The following COBL variants were observed in gnomAD, a reference collection of about 807,000 sequenced individuals.
The protein encoded by COBL is cordon-bleu WH2 repeat protein, also known as protein cordon-bleu.
A neutral mutation model predicts 98.8 loss-of-function variants in COBL; 51 were observed. The ratio of observed to expected loss-of-function variants is 0.52; its 90% CI spans 0.41 to 0.65. The LOEUF (loss-of-function observed/expected upper bound fraction) is 0.65, where lower values mean the gene tolerates loss of function less well. Ranked by LOEUF, COBL falls within the 30% of genes least tolerant of loss-of-function variation. The pLI is 0.00. For missense variants in COBL, 1,617 were observed against 1,617.5 expected (o/e 1.00, Z 0.01); for synonymous variants, 634 against 651.7 (o/e 0.97, Z 0.41).
In COBL at chr7:51,028,047, C is replaced by G. The variant is rs910301712; in HGVS notation, c.3049G>C (p.Asp1017His). The G allele has an allele frequency of 1.2e-6, 2 of 1,609,580 alleles. No individual in the cohort carries two copies. Among genetic ancestry groups the G allele is most frequent in the Non-Finnish European group, 1.7e-6 (2 of 1,177,922 alleles). ...TGTGGAGGGGGTGGGTCTGTACCAT[C>G]AGGTGCGCGTCTGGGCTCAGATGCT... The part of the protein sequence containing the change: ...SSASEPRRAP[D>H]GTDPPPPHTS... The change falls in exon 10 of 13, where the codon GAT (aspartate) becomes CAT (histidine). Residue 1017 changes from aspartate to histidine, a missense_variant. By Grantham distance (81) the Asp-to-His change is moderately conservative. Coordinates refer to ENST00000265136, the MANE Select transcript of COBL (RefSeq NM_015198.5).
At chr7:51,048,018 A>T (rs7383923) in intron 7 of COBL, among the ~76,000 whole-genome samples, 11,556 of 152,114 alleles carry the variant, frequency 0.076, 1,360 homozygotes, top group African/African-American at 0.25. Context: ...AATACAAAAA[A>T]TAGCGAGGTG....
At chr7:51,164,110 T>C (rs1787073755) in intron 5 of COBL, among the ~76,000 whole-genome samples, 1 of 152,238 alleles carries the variant, frequency 6.6e-6, no homozygotes, top group Admixed American at 6.5e-5. Flanking sequence ...CCTTTATTTA[T>C]TTTCATTTTC....
chr7:51,117,955 C>T (rs1797422280), intron 6 of COBL, among the ~76,000 whole-genome samples: 1 of 152,168 alleles, frequency 6.6e-6, no homozygotes, highest in Non-Finnish European at 1.5e-5. Flanking sequence ...AGCCAGGCTG[C>T]TTGGTATCTG....
chr7:51,061,950 T>C (rs58548896), intron 7 of COBL, among the ~76,000 whole-genome samples: 45,187 of 145,152 alleles, frequency 0.31, 7,863 homozygotes, highest in East Asian at 0.45. Context: ...CCACCATAGA[T>C]ACACACACAC....
At chr7:51,258,026 C>T (rs1415424516) in intron 1 of COBL, among the ~76,000 whole-genome samples, 2 of 152,088 alleles carry the variant, frequency 1.3e-5, no homozygotes, top group Admixed American at 6.6e-5. Flanking sequence ...ATATAGTGTA[C>T]TTGTTTGCTA....
intron 7 of COBL, chr7:51,064,952 C>A (rs1383250870): frequency 1.5e-5 from 9 of 592,210 alleles, no homozygotes; most frequent in Non-Finnish European, 2.4e-5. Flanking sequence ...TATTCAGGCT[C>A]ATTTTCCTCT....
At chr7:51,234,115 C>G (rs1363182851) in intron 1 of COBL, among the ~76,000 whole-genome samples, 1 of 152,222 alleles carries the variant, frequency 6.6e-6, no homozygotes, top group African/African-American at 2.4e-5. Flanking sequence ...CTGGTGTTTT[C>G]TGAGCTAAGA....
At chr7:51,260,032 C>T in intron 1 of COBL, 1 of 841,396 alleles carries the variant, frequency 1.2e-6, no homozygotes. Flanking sequence ...AACTTGAGCC[C>T]TTTTCCTTTC....
At position 51,184,995 on chromosome 7, in the gene COBL, G is replaced by A. The variant is rs115801553; in HGVS notation, c.686-796C>T. Among the ~76,000 whole-genome samples the A allele has an allele frequency of 5.7e-3, 869 of 152,234 alleles. 11 individuals carry two copies. The highest frequency in any genetic ancestry group is 0.02 in the African/African-American group (836 of 41,544). ...TTCCTTCCTCTGCTGCATCCAGAAC[G>A]TTTTCCTTTCAAATTACATTCTCTA... On this transcript the variant is annotated intron_variant, in intron 4 of 12. Coordinates refer to ENST00000265136, the MANE Select transcript of COBL (RefSeq NM_015198.5).
chr7:51,108,496 C>G lies in COBL; in HGVS notation c.958-23192G>C, dbSNP rs142048554. Among the ~76,000 whole-genome samples the G allele has an allele frequency of 9.3e-3, 1,413 of 152,288 alleles. 13 individuals are homozygous for G. The highest frequency in any genetic ancestry group is 0.015 in the Non-Finnish European group (998 of 68,020). On this transcript the variant is annotated intron_variant, in intron 6 of 12. Transcript: ENST00000265136. ...TGCACACAGTTGGAGGTGCTTGGGT[C>G]ATGGGGTGTGTGACCAGCTATTGAA...
At chr7:51,310,121 T>G (rs1802875696) in intron 1 of COBL, among the ~76,000 whole-genome samples, 1 of 152,174 alleles carries the variant, frequency 6.6e-6, no homozygotes, top group Non-Finnish European at 1.5e-5. Flanking sequence ...CTATGTAAGT[T>G]TAAATGGATT....
chr7:51,069,003 C>T (rs540308500), intron 7 of COBL, among the ~76,000 whole-genome samples: 103 of 152,286 alleles, frequency 6.8e-4, no homozygotes, highest in African/African-American at 2.2e-3. Context: ...CTCATCAAAA[C>T]GTTGCCCTCG....
chr7:51,066,423 C>CT (rs1320125224), intron 7 of COBL, among the ~76,000 whole-genome samples: 1 of 152,162 alleles, frequency 6.6e-6, no homozygotes, highest in Admixed American at 6.5e-5. Context: ...TCCCTACAGA[C>CT]TAACAGGACA....
intron 1 of COBL, among the ~76,000 whole-genome samples, chr7:51,252,803 G>C (rs544535464): frequency 6.6e-6 from 1 of 152,230 alleles, no homozygotes; most frequent in South Asian, 2.1e-4. Context: ...TTTATAAGTA[G>C]TAATCTGTGA....
chr7:51,042,533 A>T (rs1222336588), intron 8 of COBL, among the ~76,000 whole-genome samples: 1 of 151,868 alleles, frequency 6.6e-6, no homozygotes, highest in Non-Finnish European at 1.5e-5. Flanking sequence ...CTAATTTTTA[A>T]ATTTTTTTTG....
chr7:51,215,449 G>A (rs1377668847), intron 2 of COBL, among the ~76,000 whole-genome samples: 1 of 152,148 alleles, frequency 6.6e-6, no homozygotes, highest in Admixed American at 6.5e-5. Context: ...CAGGGAGGTT[G>A]GGAAGGCGGG....
intron 2 of COBL, among the ~76,000 whole-genome samples, chr7:51,211,045 T>A (rs1792372464): frequency 6.6e-6 from 1 of 152,116 alleles, no homozygotes; most frequent in Admixed American, 6.5e-5. Flanking sequence ...GGACAAAGGA[T>A]TAATGATTCT....
At chr7:51,273,299 G>A (rs1471880489) in intron 1 of COBL, among the ~76,000 whole-genome samples, 3 of 141,068 alleles carry the variant, frequency 2.1e-5, no homozygotes, top group African/African-American at 5.5e-5. Flanking sequence ...CTGCACTCCA[G>A]CCTGGGCAAC....
At chr7:51,068,843 T>A (rs1420267538) in intron 7 of COBL, among the ~76,000 whole-genome samples, 2 of 152,238 alleles carry the variant, frequency 1.3e-5, no homozygotes, top group Non-Finnish European at 1.5e-5. Flanking sequence ...GTAGTTTTCC[T>A]ACTAGAAGCT....
Sources: gnomAD v4.1 joint callset for allele counts (sites outside exome capture counted in the v4.1 genomes callset) on GRCh38, gnomAD v4.1.1 for gene constraint, MANE v1.5 for transcripts, NCBI Gene and HGNC (gene_info 2026-07-23, HGNC 2026-07-21) for gene names.